Variants in RBFOX1 observed in about 807,000 individuals in gnomAD.
RBFOX1 encodes RNA binding protein fox-1 homolog 1.
Under a neutral mutation model 57.7 loss-of-function variants are expected in RBFOX1, and 8 were observed. The observed-to-expected ratio is 0.14, with a 90% CI of 0.08 to 0.25. The LOEUF (loss-of-function observed/expected upper bound fraction) is 0.25. Ranked by LOEUF, RBFOX1 falls within the 10% of genes least tolerant of loss-of-function variation. The pLI is 1.00. For missense variants in RBFOX1, 611 were observed against 548.5 expected (o/e 1.11, Z -1.14); for synonymous variants, 326 against 222.4 (o/e 1.47, Z -4.15).
At chr16:7,683,745 G>C (rs985478571) in intron 14 of RBFOX1, among the ~76,000 whole-genome samples, 1 of 152,108 alleles carries the variant, frequency 6.6e-6, no homozygotes, top group Admixed American at 6.6e-5. Flanking sequence ...CAGCTGTGAA[G>C]GGTTTAGAGG....
chr16:6,575,223 A>G (rs985113200), intron 2 of RBFOX1, among the ~76,000 whole-genome samples: 21 of 152,256 alleles, frequency 1.4e-4, no homozygotes, highest in African/African-American at 5.1e-4. Flanking sequence ...GTGTCATATC[A>G]TAACTCTGAT....
intron 1 of RBFOX1, among the ~76,000 whole-genome samples, chr16:6,215,312 A>G (rs866969890): frequency 2.3e-5 from 3 of 131,232 alleles, no homozygotes; most frequent in Non-Finnish European, 4.8e-5. Context: ...AGGGAGAGGT[A>G]GAGAGAGACA....
chr16:6,535,893 C>G (rs1320380476), intron 2 of RBFOX1, among the ~76,000 whole-genome samples: 7 of 152,098 alleles, frequency 4.6e-5, no homozygotes, highest in Admixed American at 4.6e-4. Flanking sequence ...TTTTCAGTTT[C>G]TTCCCTTTTC....
chr16:5,861,604 A>G (rs2057215484), intron 3 of RBFOX1, among the ~76,000 whole-genome samples: 1 of 152,352 alleles, frequency 6.6e-6, no homozygotes, highest in South Asian at 2.1e-4. Context: ...ACTGTAGCTT[A>G]GATATCCTTG....
chr16:7,644,818 T>C (rs1442488502), intron 11 of RBFOX1, among the ~76,000 whole-genome samples: 7 of 152,024 alleles, frequency 4.6e-5, no homozygotes, highest in African/African-American at 1.7e-4. Context: ...CTGGTAACAG[T>C]TGTGGGTGTC....
At chr16:6,746,627 G>C (rs769354209) in intron 3 of RBFOX1, among the ~76,000 whole-genome samples, 2 of 151,982 alleles carry the variant, frequency 1.3e-5, no homozygotes, top group South Asian at 2.1e-4. Flanking sequence ...GCAGTGACCT[G>C]TGATTGTGCC....
chr16:7,400,563 GT>G (rs1354577281), intron 4 of RBFOX1, among the ~76,000 whole-genome samples: 2 of 152,138 alleles, frequency 1.3e-5, no homozygotes, highest in African/African-American at 4.8e-5. Flanking sequence ...CAAGAACACA[GT>G]TTGTATTACC....
chr16:7,223,268 G>A (rs749918996), intron 4 of RBFOX1, among the ~76,000 whole-genome samples: 14 of 152,208 alleles, frequency 9.2e-5, no homozygotes, highest in Non-Finnish European at 1.9e-4. Context: ...AGTCTGCATA[G>A]GTCCAGGTGA....
chr16:6,055,398 G>A (rs757570721), intron 1 of RBFOX1, among the ~76,000 whole-genome samples: 17 of 151,610 alleles, frequency 1.1e-4, no homozygotes, highest in Non-Finnish European at 1.9e-4. Context: ...TTCTAGACCC[G>A]CCTGGCCAAT....
intron 1 of RBFOX1, among the ~76,000 whole-genome samples, chr16:5,293,585 A>G (rs1280036812): frequency 6.6e-6 from 1 of 152,186 alleles, no homozygotes; most frequent in African/African-American, 2.4e-5. Flanking sequence ...CTTCCATTGT[A>G]TGGATATAGC....
At chr16:7,021,902 TTC>T (rs1284623652) in intron 3 of RBFOX1, among the ~76,000 whole-genome samples, 7 of 150,814 alleles carry the variant, frequency 4.6e-5, no homozygotes, top group African/African-American at 1.7e-4. Flanking sequence ...TTTCTTTTCT[TTC>T]TTTCTTTCTT....
At chr16:5,508,426 A>G (rs1241877781) in intron 2 of RBFOX1, among the ~76,000 whole-genome samples, 1 of 152,240 alleles carries the variant, frequency 6.6e-6, no homozygotes, top group African/African-American at 2.4e-5. Context: ...CTAGCAAGGT[A>G]GATGCTGCAG....
chr16:7,612,936 A>T (rs1332352637), intron 10 of RBFOX1, among the ~76,000 whole-genome samples: 1 of 152,206 alleles, frequency 6.6e-6, no homozygotes, highest in Non-Finnish European at 1.5e-5. Context: ...CACCACTTGA[A>T]CACACATAAC....
chr16:7,500,669 A>G (rs1208706099), intron 4 of RBFOX1, among the ~76,000 whole-genome samples: 2 of 152,170 alleles, frequency 1.3e-5, no homozygotes, highest in African/African-American at 4.8e-5. Flanking sequence ...AGCTTCTTCC[A>G]CTAAATAGAT....
intron 3 of RBFOX1, among the ~76,000 whole-genome samples, chr16:5,828,632 G>T (rs1295796670): frequency 6.6e-6 from 1 of 152,168 alleles, no homozygotes; most frequent in East Asian, 1.9e-4. Flanking sequence ...CCAGGAGGCA[G>T]AGGTTGCAGT....
In RBFOX1 at chr16:6,964,050, G is replaced by C. The variant is rs78740016; in HGVS notation, c.-15-88007G>C. Among the ~76,000 whole-genome samples, 37 of 151,752 alleles carry C rather than the reference G, an allele frequency of 2.4e-4. 1 individual carries two copies. In the East Asian group the frequency reaches 6.6e-3, roughly 27 times the overall value. ...TTTTCTTTTTTCAACATGAAGTCTT[G>C]CTCTGTCACCCAGGCTGGAGTGCAG... On this transcript the variant is annotated intron_variant, in intron 3 of 15. Transcript: ENST00000550418.
At chr16:6,312,602 G>T (rs2080472121) in intron 1 of RBFOX1, among the ~76,000 whole-genome samples, 1 of 152,066 alleles carries the variant, frequency 6.6e-6, no homozygotes, top group Non-Finnish European at 1.5e-5. Context: ...TTTTGGGGAG[G>T]CTGAGTGTGT....
At chr16:6,606,601 G>T (rs960251441) in intron 2 of RBFOX1, among the ~76,000 whole-genome samples, 2 of 152,122 alleles carry the variant, frequency 1.3e-5, no homozygotes, top group African/African-American at 4.8e-5. Flanking sequence ...CCACCTGGAA[G>T]TGAGAACATG....
At chr16:5,766,396 C>T (rs374287231) in intron 3 of RBFOX1, among the ~76,000 whole-genome samples, 18 of 152,164 alleles carry the variant, frequency 1.2e-4, no homozygotes, top group East Asian at 3.9e-4. Context: ...ACCATCCTGG[C>T]CAACATGACG....
Sources: allele counts gnomAD v4.1 joint callset (sites outside exome capture counted in the v4.1 genomes callset), GRCh38; gene constraint gnomAD v4.1.1; transcripts MANE v1.5; gene names NCBI Gene and HGNC (gene_info 2026-07-23, HGNC 2026-07-21).